Variants in GDPD2 observed in about 807,000 individuals in gnomAD.
The protein encoded by GDPD2 is glycerophosphodiester phosphodiesterase 3.
Under a neutral mutation model 49.2 loss-of-function variants are expected in GDPD2, and 23 were observed. The ratio of observed to expected loss-of-function variants is 0.47; its 90% CI spans 0.34 to 0.66. The LOEUF (loss-of-function observed/expected upper bound fraction) is 0.66. Ranked by LOEUF, GDPD2 falls within the 30% of genes least tolerant of loss-of-function variation. The pLI is 0.01. For missense variants in GDPD2, 338 were observed against 424.7 expected (o/e 0.80, Z 1.79); for synonymous variants, 167 against 171.4 (o/e 0.97, Z 0.20).
chrX:70,432,394 T>A lies in GDPD2; in HGVS notation c.1395T>A (p.Asp465Glu). Residue 465 changes from aspartate (D) to glutamate (E), a missense_variant, in exon 13 of 16, where the codon GAT becomes GAA. Transcript: ENST00000374382. ...CTCTGCTTTGGTGTGCAGGGGTGGA[T>A]TCGGTCACCACCAACGACTGCCAGC... ...LFSLLWCAGV[D>E]SVTTNDCQLL... The A allele has an allele frequency of 8.3e-7, 1 of 1,209,576 alleles. No individual in the cohort carries two copies. Among genetic ancestry groups the A allele is most frequent in the Non-Finnish European group, 1.1e-6 (1 of 893,506 alleles).
chrX:70,424,575 T>C (rs1304624268), intron 1 of GDPD2, among the ~76,000 whole-genome samples: 3 of 112,219 alleles, frequency 2.7e-5, no homozygotes, highest in Non-Finnish European at 5.6e-5. Flanking sequence ...TTTAACTTGC[T>C]GAACTGAGTT....
At position 70,426,423 on chromosome X, in the gene GDPD2, A is replaced by G. The variant is rs1163486523; in HGVS notation, c.416A>G (p.Asp139Gly). ...LLVAAGLVGL[D>G]IQWQQEWHSL... ...GTGGCGGCTGGCCTTGTGGGACTGG[A>G]CATCCAATGGCAGCAGGAGTGGCAT... Residue 139 changes from aspartate to glycine, a missense_variant, in exon 6 of 16, where the codon GAC (aspartate) becomes GGC (glycine). Physicochemically the swap from Asp to Gly is moderately conservative, Grantham distance 94. Around this residue, in one of 3 missense-constraint regions of GDPD2, gnomAD observed 253 missense variants for 330.4 expected, o/e 0.77. Transcript: ENST00000374382. The G allele has an allele frequency of 8.3e-7, 1 of 1,210,056 alleles. No homozygotes were observed. Among genetic ancestry groups the G allele is most frequent in the Non-Finnish European group, 1.1e-6 (1 of 894,979 alleles).
intron 12 of GDPD2, chrX:70,430,824 ATAGAGTC>A: frequency 3.5e-6 from 1 of 288,275 alleles, no homozygotes; most frequent in Non-Finnish European, 6.0e-6. Flanking sequence ...TTTTTTAGAG[ATAGAGTC>A]TCACTCTGTC....
At chrX:70,431,841 A>G (rs1474896865) in intron 12 of GDPD2, among the ~76,000 whole-genome samples, 2 of 111,469 alleles carry the variant, frequency 1.8e-5, no homozygotes, top group African/African-American at 6.5e-5. Flanking sequence ...TGCACTCCAG[A>G]GCAAGATCCT....
chrX:70,427,574 A>G lies in GDPD2; in HGVS notation c.936+111A>G. On this transcript the variant is annotated intron_variant, in intron 10 of 15. Transcript: ENST00000374382. ...GCCCTGTGCTAGGCAATAAGAACAT[A>G]GTCTGTGCTCTCAAGTCACTTCCAC... 3 of 622,701 alleles carry G rather than the reference A, an allele frequency of 4.8e-6. No individual in the cohort carries two copies. In the East Asian group the frequency reaches 1.0e-4, roughly 21 times the overall value. The allele number at this position is 622,701 out of a possible 1,213,427, so 51.3% of individuals were successfully genotyped here. A position where few individuals can be genotyped will look rare whatever the true frequency, so the allele number is the denominator to read the frequency against.
chrX:70,432,834 G>T, intron 14 of GDPD2, 78 bp from the exon 15 acceptor site: 1 of 839,992 alleles, frequency 1.2e-6, no homozygotes, highest in Non-Finnish European at 1.8e-6. Context: ...AAAGGCAGTT[G>T]GGGGGAGCAG....
Position 70,432,931 on chromosome X carries a change from G to A in GDPD2, c.1558G>A (p.Gly520Arg). 1.7e-6 allele frequency: 2 copies of A among 1,193,410 alleles called. No homozygotes were observed. The highest frequency in any genetic ancestry group is 1.1e-6 in the Non-Finnish European group (1 of 878,951). ...LLQRRFVKKR[G>R]KTGLETAVLL... ...CCACAGAAGATTTGTTAAGAAGAGA[G>A]GGAAAACTGGTAAGAACTTTCTCCC... Residue 520 changes from glycine (G) to arginine (R), a missense_variant, in exon 15 of 16, where the codon GGG becomes AGG. Around this residue, in one of 3 missense-constraint regions of GDPD2, gnomAD observed 253 missense variants for 330.4 expected, o/e 0.77. Transcript: ENST00000374382.
chrX:70,424,921 G>A (rs1426100101), intron 1 of GDPD2, 55 bp from the exon 2 acceptor site: 2 of 772,922 alleles, frequency 2.6e-6, no homozygotes, highest in Non-Finnish European at 3.8e-6. Flanking sequence ...CTAGGAGGGA[G>A]ACTGGGATCT....
rs1457027837 is a variant in GDPD2 at position 70,433,195 on chromosome X, G to A, written c.*109G>A. The stretch of plus-strand genomic sequence containing the variant: ...AGGGGTGGTGGGTTGCAAGTGGGGG[G>A]AGCTTTGCCAACAGGAGGTTTTGAA... On this transcript the variant is annotated 3_prime_UTR_variant, in exon 16 of 16. Transcript: ENST00000374382. 4 of 602,420 alleles carry A rather than the reference G, an allele frequency of 6.6e-6. No homozygotes were observed. The highest frequency in any genetic ancestry group is 6.6e-5 in the African/African-American group (3 of 45,258). 49.6% of individuals were successfully genotyped at this position (602,420 alleles called of 1,213,427 possible).
At chrX:70,429,067 G>A (rs1406203947) in intron 10 of GDPD2, among the ~76,000 whole-genome samples, 1 of 112,204 alleles carries the variant, frequency 8.9e-6, no homozygotes, top group African/African-American at 3.2e-5. Flanking sequence ...GGTGGAGGAG[G>A]CAGACAATTG....
chrX:70,430,926 A>G (rs923873827), intron 12 of GDPD2: 17 of 427,979 alleles, frequency 4.0e-5, no homozygotes, highest in Non-Finnish European at 6.0e-5. Flanking sequence ...AGCTAGGACT[A>G]TAGGCACACA....
In GDPD2 at chrX:70,429,419, G is replaced by A. The variant is rs2086454766; in HGVS notation, c.937-74G>A. ...AAGCTGGACACCAAGTGGAAGATAT[G>A]AGTGAAGATAGTGAGGATGGGGGCA... On this transcript the variant is annotated intron_variant, in intron 10 of 15. Transcript: ENST00000374382. The A allele has an allele frequency of 1.1e-5, 7 of 627,310 alleles. No homozygotes were observed. In the South Asian group the frequency reaches 2.0e-4, roughly 18 times the overall value. 51.7% of individuals were successfully genotyped at this position (627,310 alleles called of 1,213,427 possible).
intron 3 of GDPD2, 109 bp downstream of exon 3, chrX:70,425,566 T>C: frequency 1.7e-6 from 1 of 589,175 alleles, no homozygotes; most frequent in Non-Finnish European, 3.0e-6. Context: ...GCCCAGCTGC[T>C]CAAACCCAGC....
At chrX:70,431,349 A>G (rs767501297) in intron 12 of GDPD2, among the ~76,000 whole-genome samples, 43 of 112,871 alleles carry the variant, frequency 3.8e-4, no homozygotes, top group African/African-American at 1.3e-3. Flanking sequence ...GAAATGCACC[A>G]GGGATAGATG....
At chrX:70,431,938 A>G (rs772582995) in intron 12 of GDPD2, among the ~76,000 whole-genome samples, 1 of 112,221 alleles carries the variant, frequency 8.9e-6, no homozygotes, top group South Asian at 3.8e-4. Flanking sequence ...ACATTGATAA[A>G]TTGGAATATA....
intron 7 of GDPD2, 51 bp downstream of exon 7, chrX:70,426,792 A>T (rs1399082478): frequency 8.6e-7 from 1 of 1,169,413 alleles, no homozygotes; most frequent in Non-Finnish European, 1.2e-6. Flanking sequence ...ATGCTCTGCC[A>T]CCTGCACTCT....
At chrX:70,430,858 A>G (rs2086469483) in intron 12 of GDPD2, 2 of 356,001 alleles carry the variant, frequency 5.6e-6, no homozygotes, top group African/African-American at 2.7e-5. Flanking sequence ...CCTGTAGTGC[A>G]GTGGCCTGAT....
chrX:70,426,042 C>G lies in GDPD2; in HGVS notation c.304-10C>G. ...GGCACCCCATAAGTCCCACTGCTCT[C>G]TTCCTCTAGGTCCTGGCCCTGCTCC... On this transcript the variant is annotated splice_polypyrimidine_tract_variant and intron_variant, in intron 4 of 15. Coordinates refer to ENST00000374382, the MANE Select transcript of GDPD2 (RefSeq NM_017711.4). 8.3e-7 allele frequency: 1 copy of G among 1,204,072 alleles called. No homozygotes were observed. The highest frequency in any genetic ancestry group is 3.0e-5 in the East Asian group (1 of 33,824).
chrX:70,428,210 C>CT (rs1265741382), intron 10 of GDPD2, among the ~76,000 whole-genome samples: 1 of 111,476 alleles, frequency 9.0e-6, no homozygotes, highest in African/African-American at 3.3e-5. Context: ...AGAAACTATA[C>CT]TTAAGAGTAC....
Sources: gnomAD v4.1 joint callset for allele counts (sites outside exome capture counted in the v4.1 genomes callset) on GRCh38, gnomAD v4.1.1 for gene constraint, gnomAD v4.1.1 regional missense constraint, MANE v1.5 for transcripts, NCBI Gene and HGNC (gene_info 2026-07-23, HGNC 2026-07-21) for gene names.